Variants in LAMB4 observed in about 807,000 individuals in gnomAD.
The protein encoded by LAMB4 is laminin subunit beta 4, also known as laminin subunit beta-4.
In LAMB4, 196 loss-of-function variants were observed where a neutral mutation model predicts 199.2. The ratio of observed to expected loss-of-function variants is 0.98; its 90% CI spans 0.88 to 1.11. LAMB4 has a LOEUF of 1.11. Among genes scored for constraint, LAMB4 ranks in the 50% least tolerant of loss-of-function variants. The pLI, the probability that LAMB4 is intolerant of heterozygous loss-of-function variation, is 0.00. For missense variants in LAMB4, 2,080 were observed against 2,171.2 expected (o/e 0.96, Z 0.83); for synonymous variants, 744 against 770.6 (o/e 0.97, Z 0.57).
rs755263340 is a variant in LAMB4 at position 108,079,191 on chromosome 7, G to T, written c.1887+410C>A. On this transcript the variant is annotated intron_variant, in intron 15 of 33. Coordinates refer to ENST00000388781, the MANE Select transcript of LAMB4 (RefSeq NM_007356.3). Reference sequence around the variant, plus strand: ...GTTTGCTTTTGGTCTTTCTCTTGTCGCAGGGTAAGATGCAAATGCAAACAA... The same window carrying T: ...GTTTGCTTTTGGTCTTTCTCTTGTCTCAGGGTAAGATGCAAATGCAAACAA... Among the ~76,000 whole-genome samples the T allele has an allele frequency of 4.1e-4, 63 of 152,198 alleles. 1 individual carries two copies. Among genetic ancestry groups the T allele is most frequent in the Admixed American group, 2.4e-3 (37 of 15,282 alleles).
chr7:108,051,645 C>T (rs577506768), intron 26 of LAMB4, among the ~76,000 whole-genome samples: 1 of 152,256 alleles, frequency 6.6e-6, no homozygotes, highest in Admixed American at 6.5e-5. Context: ...TTGCATGACT[C>T]TCATTCTTAC....
chr7:108,085,667 G>A (rs1021309031), intron 14 of LAMB4, among the ~76,000 whole-genome samples: 21 of 151,896 alleles, frequency 1.4e-4, no homozygotes, highest in Admixed American at 4.6e-4. Flanking sequence ...AGGCTGGAGT[G>A]CAGTGGCACA....
At chr7:108,031,815 G>A (rs1023409635) in intron 31 of LAMB4, among the ~76,000 whole-genome samples, 1 of 152,086 alleles carries the variant, frequency 6.6e-6, no homozygotes, top group Admixed American at 6.6e-5. Flanking sequence ...GGTGCAAGTG[G>A]CTTCTAATTT....
Position 108,037,504 on chromosome 7 carries a change from T to C in LAMB4, c.4563A>G (p.Glu1521=). 1 of 1,614,138 alleles carries C rather than the reference T, an allele frequency of 6.2e-7. No homozygotes were observed. The highest frequency in any genetic ancestry group is 8.5e-7 in the Non-Finnish European group (1 of 1,179,978). ...GCATATGTTTCTGTATTTTGACAAG[T>C]TCATCGGTTAGATTTTGGGATGGAA... ...LPIPSQNLTD[E]LVKIQKHMQL... is the part of the protein sequence containing the mutation. Residue 1521 remains glutamate (E), a synonymous_variant, in exon 30 of 34, where the codon GAA becomes GAG. Transcript: ENST00000388781.
chr7:108,116,168 C>G lies in LAMB4; in HGVS notation c.35-7G>C. The stretch of plus-strand genomic sequence containing the variant: ...TTTGAGTAACTGAGCCACCCTTGAA[C>G]ACAACAGAAATAGCTTACACGGAAG... On this transcript the variant is annotated splice_polypyrimidine_tract_variant and splice_region_variant and intron_variant, in intron 2 of 33. Coordinates refer to ENST00000388781, the MANE Select transcript of LAMB4 (RefSeq NM_007356.3). The G allele has an allele frequency of 6.2e-7, 1 of 1,612,636 alleles. No homozygotes were observed. The highest frequency in any genetic ancestry group is 8.5e-7 in the Non-Finnish European group (1 of 1,179,048).
chr7:108,095,388 G>T lies in LAMB4; in HGVS notation c.1361-51C>A, dbSNP rs568510356. ...TCTCATTCTTAATTCCTCCACTCTTGCAAGTGTACTTAATAGCTCACACAA... is the reference window on the plus strand; with the variant it reads ...TCTCATTCTTAATTCCTCCACTCTTTCAAGTGTACTTAATAGCTCACACAA... On this transcript the variant is annotated intron_variant, in intron 11 of 33. Coordinates refer to ENST00000388781, the MANE Select transcript of LAMB4 (RefSeq NM_007356.3). The T allele has an allele frequency of 7.2e-5, 95 of 1,328,414 alleles. 2 individuals are homozygous for T. In the South Asian group the frequency reaches 1.0e-3, roughly 15 times the overall value. The allele number at this position is 1,328,414 out of a possible 1,614,324, so 82.3% of individuals were successfully genotyped here.
At chr7:108,030,220 G>A (rs2034981711) in intron 32 of LAMB4, among the ~76,000 whole-genome samples, 1 of 152,088 alleles carries the variant, frequency 6.6e-6, no homozygotes. Context: ...ATTAAAAGCA[G>A]GAGAATAGAC....
At chr7:108,123,246 C>A in intron 1 of LAMB4, 49 bp from the exon 2 acceptor site, 1 of 1,145,118 alleles carries the variant, frequency 8.7e-7, no homozygotes. Flanking sequence ...GAAATAATTG[C>A]CATCATCACA....
chr7:108,074,059 G>C (rs2036617095), intron 17 of LAMB4, among the ~76,000 whole-genome samples: 2 of 152,130 alleles, frequency 1.3e-5, no homozygotes, highest in African/African-American at 4.8e-5. Flanking sequence ...CAGAGCTCCA[G>C]GTGGGATCAG....
the LAMB4 span, among the ~76,000 whole-genome samples, chr7:108,015,119 G>A: frequency 6.6e-6 from 1 of 152,162 alleles, no homozygotes; most frequent in Non-Finnish European, 1.5e-5. Flanking sequence ...GTAAAAAAAT[G>A]TTAGATTTCT....
At chr7:108,093,222 A>G (rs774080505) in intron 12 of LAMB4, among the ~76,000 whole-genome samples, 3 of 152,086 alleles carry the variant, frequency 2.0e-5, no homozygotes, top group Non-Finnish European at 4.4e-5. Flanking sequence ...GCCTGCCACC[A>G]CGCTCGGCTG....
intron 18 of LAMB4, 23 bp downstream of exon 18, chr7:108,069,685 G>A (rs376203551): frequency 6.2e-7 from 1 of 1,602,392 alleles, no homozygotes; most frequent in African/African-American, 1.3e-5. Context: ...TGCCTCAGTA[G>A]AGCCCATTAA....
At chr7:108,082,684 C>G (rs1464140058) in intron 14 of LAMB4, among the ~76,000 whole-genome samples, 1 of 152,154 alleles carries the variant, frequency 6.6e-6, no homozygotes, top group Non-Finnish European at 1.5e-5. Context: ...GGCACTGGTT[C>G]TTTGACCTGT....
At position 108,127,580 on chromosome 7, in the gene LAMB4, A is replaced by G. The variant is rs144771793; in HGVS notation, c.-34+2726T>C. Among the ~76,000 whole-genome samples, 5 of 152,320 alleles carry G rather than the reference A, an allele frequency of 3.3e-5. No homozygotes were observed. In the East Asian group the frequency reaches 9.7e-4, roughly 29 times the overall value. On this transcript the variant is annotated intron_variant, in intron 1 of 33. Transcript: ENST00000388781. ...ATCTCTCTCAGAACCAGGCAAACTT[A>G]CATGGTTGGTCACCCTACCAGATGA...
At chr7:108,080,181 C>T (rs1398611005) in intron 14 of LAMB4, among the ~76,000 whole-genome samples, 1 of 152,154 alleles carries the variant, frequency 6.6e-6, no homozygotes, top group Non-Finnish European at 1.5e-5. Flanking sequence ...CCTAATTGGG[C>T]ATGACAATGA....
chr7:108,099,571 G>C (rs921575975), intron 10 of LAMB4, among the ~76,000 whole-genome samples: 1 of 152,122 alleles, frequency 6.6e-6, no homozygotes, highest in Non-Finnish European at 1.5e-5. Context: ...TGTGTTGTTG[G>C]GCATTAGATG....
At chr7:108,074,883 TAGTA>T (rs2036645350) in intron 17 of LAMB4, among the ~76,000 whole-genome samples, 1 of 152,200 alleles carries the variant, frequency 6.6e-6, no homozygotes, top group African/African-American at 2.4e-5. Flanking sequence ...TGAATGCCTT[TAGTA>T]CAGCGTCAAG....
At chr7:108,104,313 G>A (rs2037922126) in intron 9 of LAMB4, among the ~76,000 whole-genome samples, 186 bp downstream of exon 9, 1 of 152,172 alleles carries the variant, frequency 6.6e-6, no homozygotes, top group Admixed American at 6.5e-5. Flanking sequence ...TGTGGTGGGA[G>A]AGTTGGAGAA....
rs1284087369 is a variant in LAMB4, at chr7:108,079,646, A to C, written c.1842T>G (p.Ile614Met). The change falls in exon 15 of 34, where the codon ATT becomes ATG. Residue 614 changes from isoleucine (I) to methionine (M), a missense_variant. Physicochemically the swap from Ile to Met is conservative, Grantham distance 10 (BLOSUM62 1). Coordinates refer to ENST00000388781, the MANE Select transcript of LAMB4 (RefSeq NM_007356.3). ...GAGLRFAVNNIPFPVDFTIAI... is the reference protein window; with the variant it reads ...GAGLRFAVNNMPFPVDFTIAI... ...CAATGGTGAAGTCCACAGGAAAGGG[A>C]ATGTTGTTGACAGCAAATCTCAAGC... is the stretch of plus-strand genomic sequence containing the variant. 1 of 1,613,056 alleles carries C rather than the reference A, an allele frequency of 6.2e-7. No individual in the cohort carries two copies. The highest frequency in any genetic ancestry group is 1.1e-5 in the South Asian group (1 of 90,682).
Sources: gnomAD v4.1 joint callset for allele counts (sites outside exome capture counted in the v4.1 genomes callset) on GRCh38, gnomAD v4.1.1 for gene constraint, MANE v1.5 for transcripts, NCBI Gene and HGNC (gene_info 2026-07-23, HGNC 2026-07-21) for gene names.